AGBL4: variants seen among roughly 807,000 people sequenced by gnomAD.
AGBL4 encodes the protein cytosolic carboxypeptidase 6.
A neutral mutation model predicts 66.4 loss-of-function variants in AGBL4; 58 were observed. The ratio of observed to expected loss-of-function variants is 0.87; its 90% CI spans 0.71 to 1.09. The LOEUF (loss-of-function observed/expected upper bound fraction) is 1.09, where lower values mean the gene tolerates loss of function less well. Among genes scored for constraint, AGBL4 ranks in the 50% least tolerant of loss-of-function variants. The pLI is 0.00. For missense variants in AGBL4, 579 were observed against 631.0 expected, an observed-to-expected ratio of 0.92 and a Z score of 0.88; for synonymous variants, 234 against 222.9, an observed-to-expected ratio of 1.05 and a Z score of -0.44.
chr1:49,123,933 C>T (rs1021159682), intron 4 of AGBL4, among the ~76,000 whole-genome samples: 3 of 152,112 alleles, frequency 2.0e-5, no homozygotes, highest in African/African-American at 7.2e-5. Flanking sequence ...GGACAGCTTG[C>T]AATATATCTA....
At chr1:49,015,094 A>G (rs1489645406) in intron 5 of AGBL4, among the ~76,000 whole-genome samples, 1 of 152,288 alleles carries the variant, frequency 6.6e-6, no homozygotes, top group East Asian at 1.9e-4. Context: ...TTTCTTGCAC[A>G]AAGTGGTTTT....
At chr1:48,579,936 A>AAAAT (rs1557802208) in intron 11 of AGBL4, among the ~76,000 whole-genome samples, 1 of 151,438 alleles carries the variant, frequency 6.6e-6, no homozygotes, top group African/African-American at 2.4e-5. Flanking sequence ...AAAAAAAAAA[A>AAAAT]AGAATACTCA....
chr1:49,578,288 T>A (rs1332214871), intron 3 of AGBL4, among the ~76,000 whole-genome samples: 1 of 152,156 alleles, frequency 6.6e-6, no homozygotes, highest in Non-Finnish European at 1.5e-5. Flanking sequence ...CATTATGGCA[T>A]CTCTTAGTAT....
chr1:49,650,811 G>A (rs930291244), intron 3 of AGBL4, among the ~76,000 whole-genome samples: 1 of 152,156 alleles, frequency 6.6e-6, no homozygotes, highest in Non-Finnish European at 1.5e-5. Flanking sequence ...GGTACTAGTG[G>A]CCAGAAACAG....
Position 49,907,863 on chromosome 1 carries a change from G to A in AGBL4, c.35-56345C>T, listed in dbSNP as rs192778618. 2.2e-4 allele frequency among the ~76,000 whole-genome samples: 33 copies of A among 152,084 alleles called. No individual in the cohort carries two copies. In the East Asian group the frequency reaches 6.0e-3, roughly 28 times the overall value. Reference sequence around the variant, plus strand: ...ACACAACAAATAATACCACTTTTCTGGAGGATGTTGATAATTGGAGAGGCT... The same window carrying A: ...ACACAACAAATAATACCACTTTTCTAGAGGATGTTGATAATTGGAGAGGCT... On this transcript the variant is annotated intron_variant, in intron 1 of 13. Coordinates refer to ENST00000371839, the MANE Select transcript of AGBL4 (RefSeq NM_032785.4).
At chr1:49,129,295 G>T (rs372691579) in intron 4 of AGBL4, among the ~76,000 whole-genome samples, 534 of 47,530 alleles carry the variant, frequency 0.011, 3 homozygotes, top group South Asian at 0.041. Context: ...TGTTTTTTTT[G>T]TTGTTGTTGT....
intron 3 of AGBL4, among the ~76,000 whole-genome samples, chr1:49,667,981 A>G (rs1004061185): frequency 6.6e-6 from 1 of 152,166 alleles, no homozygotes; most frequent in Non-Finnish European, 1.5e-5. Flanking sequence ...TTGGTAATTA[A>G]TGTGTTGTGA....
At chr1:49,275,634 G>GA (rs899475828) in intron 3 of AGBL4, among the ~76,000 whole-genome samples, 5 of 152,032 alleles carry the variant, frequency 3.3e-5, no homozygotes, top group African/African-American at 9.7e-5. Flanking sequence ...AAATGTTTCA[G>GA]AAAAAACCTA....
chr1:48,553,109 T>C (rs940149105), intron 11 of AGBL4, among the ~76,000 whole-genome samples: 10 of 152,066 alleles, frequency 6.6e-5, no homozygotes, highest in African/African-American at 2.4e-4. Context: ...GGCTTCCTCA[T>C]TCCCCTGCTC....
intron 3 of AGBL4, among the ~76,000 whole-genome samples, chr1:49,479,242 G>A (rs1646904999): frequency 6.6e-6 from 1 of 151,618 alleles, no homozygotes; most frequent in Admixed American, 6.6e-5. Context: ...ATCAAATCAG[G>A]AAAGTTATCC....
intron 5 of AGBL4, among the ~76,000 whole-genome samples, chr1:48,954,315 A>T (rs1223298115): frequency 6.6e-6 from 1 of 152,208 alleles, no homozygotes; most frequent in Non-Finnish European, 1.5e-5. Context: ...TTGATGCTCT[A>T]ATTTATAGGT....
At chr1:49,372,582 CT>C (rs1644369304) in intron 3 of AGBL4, among the ~76,000 whole-genome samples, 1 of 151,656 alleles carries the variant, frequency 6.6e-6, no homozygotes, top group African/African-American at 2.4e-5. Context: ...CCAGTTCAAT[CT>C]TTCTTTCTTT....
chr1:49,268,395 CT>C (rs1235202886), intron 3 of AGBL4: 279 of 139,124 alleles, frequency 2.0e-3, no homozygotes, highest in Middle Eastern at 3.7e-3. Flanking sequence ...AATTCCTTTC[CT>C]TTTTTTTTTT....
At chr1:49,192,874 T>C (rs1647148956) in intron 4 of AGBL4, among the ~76,000 whole-genome samples, 1 of 152,210 alleles carries the variant, frequency 6.6e-6, no homozygotes. Flanking sequence ...AACTCACTGC[T>C]CTTTTTATTA....
chr1:49,623,655 T>C (rs143269886), intron 3 of AGBL4, among the ~76,000 whole-genome samples: 1 of 152,292 alleles, frequency 6.6e-6, no homozygotes, highest in East Asian at 1.9e-4. Context: ...TTAAATTCTG[T>C]GGTCTCATTA....
At chr1:49,119,872 G>T (rs1645614875) in intron 4 of AGBL4, among the ~76,000 whole-genome samples, 2 of 152,098 alleles carry the variant, frequency 1.3e-5, no homozygotes, top group African/African-American at 2.4e-5. Context: ...CCTGTATTGG[G>T]TGCATATATA....
chr1:48,900,758 G>GT (rs1237992853), intron 5 of AGBL4, among the ~76,000 whole-genome samples: 2 of 152,170 alleles, frequency 1.3e-5, no homozygotes, highest in African/African-American at 4.8e-5. Flanking sequence ...AGTCCTAAAT[G>GT]TAAAACCTGA....
intron 3 of AGBL4, among the ~76,000 whole-genome samples, chr1:49,389,708 T>C (rs1168489749): frequency 6.6e-6 from 1 of 152,144 alleles, no homozygotes; most frequent in Non-Finnish European, 1.5e-5. Flanking sequence ...CTCCTGTTTA[T>C]AGAGCTGACA....
At chr1:49,120,364 G>A (rs1645627091) in intron 4 of AGBL4, among the ~76,000 whole-genome samples, 1 of 152,122 alleles carries the variant, frequency 6.6e-6, no homozygotes, top group East Asian at 1.9e-4. Flanking sequence ...TTGTAAGGCA[G>A]GCCTGTTTGT....
Sources: allele counts gnomAD v4.1 joint callset (sites outside exome capture counted in the v4.1 genomes callset), GRCh38; gene constraint gnomAD v4.1.1; transcripts MANE v1.5; gene names NCBI Gene and HGNC (gene_info 2026-07-23, HGNC 2026-07-21).